The following SDHC variants were observed in gnomAD, a reference collection of about 807,000 sequenced individuals.
SDHC encodes succinate dehydrogenase cytochrome b560 subunit, mitochondrial.
In SDHC, 11 loss-of-function variants were observed where a neutral mutation model predicts 22.6. The ratio of observed to expected loss-of-function variants is 0.49; its 90% confidence interval spans 0.31 to 0.81. The LOEUF (loss-of-function observed/expected upper bound fraction) is 0.81, where lower values mean the gene tolerates loss of function less well. Ranked by LOEUF, SDHC falls within the 30% of genes least tolerant of loss-of-function variation. The pLI, the probability that SDHC is intolerant of heterozygous loss-of-function variation, is 0.05. For synonymous variants in SDHC, 80 were observed against 77.8 expected (o/e 1.03, Z -0.15); for missense variants, 160 against 212.0 (o/e 0.75, Z 1.52).
intron 1 of SDHC, among the ~76,000 whole-genome samples, chr1:161,315,061 A>G (rs1670556436): frequency 6.6e-6 from 1 of 152,174 alleles, no homozygotes; most frequent in Non-Finnish European, 1.5e-5. Flanking sequence ...TAAAATGTGA[A>G]TTAGTTGTCC....
In SDHC at chr1:161,362,612, A is replaced by T; in HGVS notation, c.*179A>T. 6.2e-7 allele frequency: 1 copy of T among 1,601,030 alleles called. No homozygotes were observed. Among genetic ancestry groups the T allele is most frequent in the Non-Finnish European group, 8.5e-7 (1 of 1,173,514 alleles). ...AGACCATAATAGTGGAAAAGGGTCTAGTTTTCCCCTTGTTTCTAAAGATGA... is the reference window on the plus strand; with the variant it reads ...AGACCATAATAGTGGAAAAGGGTCTTGTTTTCCCCTTGTTTCTAAAGATGA... On this transcript the variant is annotated 3_prime_UTR_variant, in exon 6 of 6. Transcript: ENST00000367975.
At chr1:161,361,680 A>G (rs917998230) in intron 5 of SDHC, among the ~76,000 whole-genome samples, 5 of 152,214 alleles carry the variant, frequency 3.3e-5, no homozygotes, top group Admixed American at 1.3e-4. Context: ...TCTACTAAAA[A>G]TACAAAAACA....
chr1:161,361,055 G>A (rs1672489911), intron 5 of SDHC, among the ~76,000 whole-genome samples: 1 of 152,126 alleles, frequency 6.6e-6, no homozygotes, highest in South Asian at 2.1e-4. Context: ...TGACGTTGCT[G>A]TGAGCCAAGA....
chr1:161,317,223 T>A (rs1670650240), intron 1 of SDHC, among the ~76,000 whole-genome samples: 1 of 151,964 alleles, frequency 6.6e-6, no homozygotes. Context: ...AGAGACGGGG[T>A]TTCACCATCT....
chr1:161,362,143 G>T lies in SDHC; in HGVS notation c.406-186G>T, dbSNP rs975155664. 2.0e-5 allele frequency among the ~76,000 whole-genome samples: 3 copies of T among 152,086 alleles called. No individual in the cohort carries two copies. The East Asian group carries it at 5.8e-4, about 29-fold the overall frequency. On this transcript the variant is annotated intron_variant, in intron 5 of 5. Coordinates refer to ENST00000367975, the MANE Select transcript of SDHC (RefSeq NM_003001.5). The stretch of plus-strand genomic sequence containing the variant: ...TGATTTTCTGTCATTGGAATAAGTG[G>T]ATAATAGGTTCCATACTGTGGGTTT...
intron 2 of SDHC, among the ~76,000 whole-genome samples, chr1:161,325,855 A>G (rs1671027780): frequency 6.6e-6 from 1 of 152,216 alleles, no homozygotes; most frequent in Non-Finnish European, 1.5e-5. Flanking sequence ...CCTGCCACCC[A>G]ACAAGAAGTT....
intron 1 of SDHC, among the ~76,000 whole-genome samples, chr1:161,316,452 C>T (rs900951121): frequency 2.6e-5 from 4 of 152,206 alleles, no homozygotes; most frequent in East Asian, 3.8e-4. Context: ...GCACATCTTG[C>T]ACAGCCCTTA....
At chr1:161,335,165 G>T (rs1030244233) in intron 3 of SDHC, among the ~76,000 whole-genome samples, 7 of 152,030 alleles carry the variant, frequency 4.6e-5, no homozygotes, top group Non-Finnish European at 1.0e-4. Flanking sequence ...TGCATTTTTG[G>T]CAGGAATACC....
chr1:161,361,298 A>G lies in SDHC; in HGVS notation c.406-1031A>G, dbSNP rs968026832. 1.3e-4 allele frequency among the ~76,000 whole-genome samples: 20 copies of G among 151,834 alleles called. 1 individual carries two copies. Among genetic ancestry groups the G allele is most frequent in the Non-Finnish European group, 2.5e-4 (17 of 67,950 alleles). ...ATATGGCACCACTTAGTAATGGTAA[A>G]TATTGTTTTATCAACTTTTGCTATA... On this transcript the variant is annotated intron_variant, in intron 5 of 5. Transcript: ENST00000367975.
chr1:161,350,838 A>G (rs553324061), intron 4 of SDHC, among the ~76,000 whole-genome samples: 23 of 152,144 alleles, frequency 1.5e-4, no homozygotes, highest in Non-Finnish European at 2.1e-4. Context: ...TATGAGCACC[A>G]CTAGTCTATA....
Position 161,323,602 on chromosome 1 carries a change from C to G in SDHC, c.21-12C>G. 6.2e-7 allele frequency: 1 copy of G among 1,611,344 alleles called. No homozygotes were observed. Among genetic ancestry groups the G allele is most frequent in the South Asian group, 1.1e-5 (1 of 91,010 alleles). ...TAAATGTGTATTGATTTTTGATTCT[C>G]TTATCTTGCAGACACGTTGGTCGTC... On this transcript the variant is annotated splice_polypyrimidine_tract_variant and intron_variant, in intron 1 of 5. Transcript: ENST00000367975.
chr1:161,347,953 A>G (rs1167043908), intron 4 of SDHC, among the ~76,000 whole-genome samples: 2 of 152,196 alleles, frequency 1.3e-5, no homozygotes, highest in East Asian at 1.9e-4. Context: ...TTTGACTGCC[A>G]TGCTGTAGAC....
chr1:161,346,481 C>T (rs530068786), intron 4 of SDHC, among the ~76,000 whole-genome samples: 1 of 151,988 alleles, frequency 6.6e-6, no homozygotes, highest in South Asian at 2.1e-4. Context: ...CTCACTACAA[C>T]TCTGCCTCCC....
intron 3 of SDHC, among the ~76,000 whole-genome samples, chr1:161,337,765 A>G (rs116967759): frequency 1.3e-5 from 2 of 152,054 alleles, no homozygotes; most frequent in African/African-American, 4.8e-5. Context: ...GGAACAGTGC[A>G]TATGTTTCTT....
intron 2 of SDHC, among the ~76,000 whole-genome samples, chr1:161,324,687 AATT>A (rs1670985437): frequency 6.6e-6 from 1 of 152,192 alleles, no homozygotes; most frequent in Admixed American, 6.5e-5. Context: ...ATACATATTT[AATT>A]ATTAGTATTT....
chr1:161,323,704 T>G (rs759982741), intron 2 of SDHC, 34 bp downstream of exon 2: 3 of 1,522,074 alleles, frequency 2.0e-6, no homozygotes, highest in Non-Finnish European at 2.7e-6. Context: ...ATTTATTTAT[T>G]TTTTTTTTTG....
intron 3 of SDHC, among the ~76,000 whole-genome samples, chr1:161,338,674 A>T (rs990384527): frequency 4.6e-5 from 7 of 152,212 alleles, no homozygotes; most frequent in African/African-American, 1.7e-4. Context: ...TAGGTAACTT[A>T]TTAGGAAATA....
intron 3 of SDHC, among the ~76,000 whole-genome samples, chr1:161,337,866 G>A (rs984809552): frequency 1.3e-5 from 2 of 152,084 alleles, no homozygotes; most frequent in Non-Finnish European, 2.9e-5. Flanking sequence ...CCTCTTTAGG[G>A]TTTCAAGTCT....
intron 1 of SDHC, among the ~76,000 whole-genome samples, chr1:161,316,246 G>A (rs1218357036): frequency 2.6e-5 from 4 of 152,116 alleles, no homozygotes; most frequent in Non-Finnish European, 5.9e-5. Context: ...GGGGTCTGGG[G>A]GACGGTCAGG....
Sources: allele counts gnomAD v4.1 joint callset (sites outside exome capture counted in the v4.1 genomes callset), GRCh38; gene constraint gnomAD v4.1.1; transcripts MANE v1.5; gene names NCBI Gene and HGNC (gene_info 2026-07-23, HGNC 2026-07-21).